The following CFAP54 variants were observed in gnomAD, a reference collection of about 807,000 sequenced individuals.
CFAP54 encodes cilia and flagella associated protein 54.
Under a neutral mutation model 370.4 loss-of-function variants are expected in CFAP54, and 290 were observed. The ratio of observed to expected loss-of-function variants is 0.78; its 90% confidence interval spans 0.71 to 0.86. The LOEUF is 0.86. Among genes scored for constraint, CFAP54 ranks in the 40% least tolerant of loss-of-function variants. The pLI is 0.00. For missense variants in CFAP54, 3,399 were observed against 3,528.7 expected (o/e 0.96, Z 0.93); for synonymous variants, 1,206 against 1,236.5 (o/e 0.98, Z 0.52).
At chr12:96,668,657 G>T (rs984376551) in intron 39 of CFAP54, among the ~76,000 whole-genome samples, 1 of 152,146 alleles carries the variant, frequency 6.6e-6, no homozygotes, top group Non-Finnish European at 1.5e-5. Flanking sequence ...TAGCCAAATT[G>T]TATTAAGCCC....
At chr12:96,600,817 G>A (rs1353692145) in intron 26 of CFAP54, among the ~76,000 whole-genome samples, 1 of 152,224 alleles carries the variant, frequency 6.6e-6, no homozygotes, top group Admixed American at 6.5e-5. Context: ...TTTGTATTCT[G>A]AGACTTTGCT....
chr12:96,554,331 AATTAG>A, intron 16 of CFAP54, 21 bp downstream of exon 16: 1 of 1,483,652 alleles, frequency 6.7e-7, no homozygotes. Context: ...AAGAGTCTTA[AATTAG>A]ATTGAAGTTT....
At chr12:96,607,454 C>A (rs1956313398) in intron 26 of CFAP54, among the ~76,000 whole-genome samples, 1 of 151,904 alleles carries the variant, frequency 6.6e-6, no homozygotes, top group African/African-American at 2.4e-5. Context: ...AATCAAAAAT[C>A]AAATAGATGA....
At chr12:96,637,782 G>A (rs767424353) in intron 32 of CFAP54, among the ~76,000 whole-genome samples, 3 of 152,138 alleles carry the variant, frequency 2.0e-5, no homozygotes, top group African/African-American at 4.8e-5. Context: ...TTACATTCAC[G>A]TGTTGCATAA....
intron 65 of CFAP54, among the ~76,000 whole-genome samples, chr12:96,824,591 G>A (rs1959066079): frequency 1.3e-5 from 2 of 152,064 alleles, no homozygotes; most frequent in South Asian, 4.1e-4. Flanking sequence ...CCTCTATCTG[G>A]AAAAGTGGAC....
chr12:96,539,064 G>GTTTT lies in CFAP54; in HGVS notation c.1926+556_1926+559dup, dbSNP rs1314197505. Among the ~76,000 whole-genome samples the GTTTT allele has an allele frequency of 1.6e-3, 184 of 111,792 alleles. 16 individuals carry two copies. The highest frequency in any genetic ancestry group is 0.012 in the Middle Eastern group (2 of 164). 73.3% of individuals were successfully genotyped at this position (111,792 alleles called of 152,430 possible). A position where few individuals can be genotyped will look rare whatever the true frequency, so the allele number is the denominator to read the frequency against. On this transcript the variant is annotated intron_variant, in intron 13 of 67. Coordinates refer to ENST00000524981, the MANE Select transcript of CFAP54 (RefSeq NM_001306084.2). ...GAGCCACCACGCCCGGCCTTTTCAG[G>GTTTT]TTTTTTTTTTTTTGTTTTTGTTTTT...
chr12:96,522,346 A>G (rs11108566), intron 8 of CFAP54, among the ~76,000 whole-genome samples, 157 bp downstream of exon 8: 1,533 of 152,332 alleles, frequency 0.01, 14 homozygotes, highest in Middle Eastern at 0.024. Flanking sequence ...TCTAGTTTGC[A>G]CGTAGCCTCG....
At chr12:96,604,075 T>C (rs573250057) in intron 26 of CFAP54, among the ~76,000 whole-genome samples, 1 of 152,366 alleles carries the variant, frequency 6.6e-6, no homozygotes, top group East Asian at 1.9e-4. Flanking sequence ...CTCTGGTTTC[T>C]CCCCATCTTT....
chr12:96,709,928 G>A (rs1957592405), intron 48 of CFAP54, among the ~76,000 whole-genome samples: 3 of 151,968 alleles, frequency 2.0e-5, no homozygotes, highest in Admixed American at 2.0e-4. Flanking sequence ...CACCATGTTG[G>A]CCAGGCTTGA....
intron 66 of CFAP54, among the ~76,000 whole-genome samples, chr12:96,847,255 A>G (rs746207267): frequency 6.6e-6 from 1 of 151,400 alleles, no homozygotes; most frequent in Non-Finnish European, 1.5e-5. Flanking sequence ...CCTCCCTCCC[A>G]GCACTCTCCT....
chr12:96,737,648 C>T (rs995405662), intron 50 of CFAP54, among the ~76,000 whole-genome samples: 6 of 151,870 alleles, frequency 4.0e-5, no homozygotes, highest in Admixed American at 3.9e-4. Flanking sequence ...TGCCACTCTA[C>T]CCAGCTAATT....
intron 12 of CFAP54, among the ~76,000 whole-genome samples, chr12:96,536,862 A>G (rs918185560): frequency 1.3e-5 from 2 of 151,866 alleles, no homozygotes; most frequent in African/African-American, 4.8e-5. Flanking sequence ...CTGACCTCAG[A>G]TGATCCGCCC....
chr12:96,846,700 A>G (rs761732798), intron 66 of CFAP54, among the ~76,000 whole-genome samples: 2 of 152,172 alleles, frequency 1.3e-5, no homozygotes, highest in Non-Finnish European at 2.9e-5. Flanking sequence ...CAACTCTATC[A>G]CTTTTCATCA....
chr12:96,851,467 A>G (rs1393996626), intron 66 of CFAP54, among the ~76,000 whole-genome samples: 1 of 152,106 alleles, frequency 6.6e-6, no homozygotes, highest in South Asian at 2.1e-4. Flanking sequence ...TAATAAGGCA[A>G]GAGAATAAAA....
chr12:96,728,603 T>A (rs921708573), intron 50 of CFAP54, among the ~76,000 whole-genome samples: 1 of 152,228 alleles, frequency 6.6e-6, no homozygotes, highest in Non-Finnish European at 1.5e-5. Context: ...AGTTTTCAAC[T>A]TCTTTGCCTT....
In CFAP54 at chr12:96,837,785, G is replaced by A. The variant is rs112872612; in HGVS notation, c.9171+8697G>A. On this transcript the variant is annotated intron_variant, in intron 66 of 67. Transcript: ENST00000524981. ...AGTGCCACCTTTGTACCAGCCATTG[G>A]GCTAGGTCCTGGGGTACAGAAGTAA... is the stretch of plus-strand genomic sequence containing the variant. Among the ~76,000 whole-genome samples the A allele has an allele frequency of 4.6e-3, 694 of 152,272 alleles. 8 individuals carry two copies. Among genetic ancestry groups the A allele is most frequent in the Non-Finnish European group, 5.7e-3 (388 of 68,030 alleles).
chr12:96,490,630 T>C (rs1954870747), intron 1 of CFAP54, among the ~76,000 whole-genome samples: 1 of 152,040 alleles, frequency 6.6e-6, no homozygotes, highest in Non-Finnish European at 1.5e-5. Context: ...AGGCAGAGGT[T>C]GCAGTGAGCT....
intron 60 of CFAP54, among the ~76,000 whole-genome samples, chr12:96,776,181 AG>A: frequency 6.6e-6 from 1 of 152,258 alleles, no homozygotes; most frequent in East Asian, 1.9e-4. Context: ...ACAAATGATA[AG>A]AAGAAAGTAA....
chr12:96,752,742 T>G (rs1958202454), intron 55 of CFAP54, among the ~76,000 whole-genome samples: 1 of 152,210 alleles, frequency 6.6e-6, no homozygotes, highest in East Asian at 1.9e-4. Context: ...TGCAGTATTT[T>G]GATTGCCTGT....
Sources: gnomAD v4.1 joint callset for allele counts (sites outside exome capture counted in the v4.1 genomes callset) on GRCh38, gnomAD v4.1.1 for gene constraint, MANE v1.5 for transcripts, NCBI Gene and HGNC (gene_info 2026-07-23, HGNC 2026-07-21) for gene names.